SERPINB12: variants seen among roughly 807,000 people sequenced by gnomAD.
SERPINB12 encodes serpin B12.
Under a neutral mutation model 41.1 loss-of-function variants are expected in SERPINB12, and 57 were observed. That is an observed-to-expected ratio of 1.39 (90% CI 1.12 to 1.73). The LOEUF (loss-of-function observed/expected upper bound fraction) is 1.73. Ranked by LOEUF, SERPINB12 falls within the 40% of genes most tolerant of loss-of-function variation. SERPINB12 has a pLI of 0.00. For missense variants in SERPINB12, 536 were observed against 501.9 expected (o/e 1.07, Z -0.65); for synonymous variants, 180 against 181.3 (o/e 0.99, Z 0.06).
chr18:63,525,659 T>G, the SERPINB12 span, among the ~76,000 whole-genome samples: 1 of 152,168 alleles, frequency 6.6e-6, no homozygotes, highest in Non-Finnish European at 1.5e-5. Flanking sequence ...AAAAGTTTAT[T>G]TATAAATATT....
intron 4 of SERPINB12, 35 bp from the exon 5 acceptor site, chr18:63,561,050 T>C: frequency 7.3e-7 from 1 of 1,375,328 alleles, no homozygotes; most frequent in Non-Finnish European, 1.0e-6. Context: ...TGCCTGACTT[T>C]ATTGCATTAT....
intron 1 of SERPINB12, among the ~76,000 whole-genome samples, chr18:63,545,883 A>G (rs373490472): frequency 1.3e-5 from 2 of 152,216 alleles, no homozygotes; most frequent in South Asian, 4.1e-4. Context: ...GGAAGAATTT[A>G]GAAAAAAAAA....
chr18:63,548,732 A>G (rs1256641027), intron 1 of SERPINB12, among the ~76,000 whole-genome samples: 1 of 152,072 alleles, frequency 6.6e-6, no homozygotes, highest in Admixed American at 6.5e-5. Flanking sequence ...AATGTTAGCA[A>G]GTATCAATGC....
At chr18:63,551,356 G>A (rs911053646) in intron 1 of SERPINB12, among the ~76,000 whole-genome samples, 8 of 151,614 alleles carry the variant, frequency 5.3e-5, no homozygotes, top group African/African-American at 1.2e-4. Flanking sequence ...ATGGAATTTC[G>A]CTCCTGTTGC....
chr18:63,548,033 T>A (rs1568124940), intron 1 of SERPINB12, among the ~76,000 whole-genome samples: 1 of 152,106 alleles, frequency 6.6e-6, no homozygotes, highest in Admixed American at 6.5e-5. Context: ...AAGACAATTA[T>A]GATTTGGAAG....
At position 63,546,500 on chromosome 18, in the gene SERPINB12, A is replaced by G. The variant is rs944538634; in HGVS notation, c.-19+4008A>G. ...TGCAGGAAAGCAAAAACTTTGAAGTAGCTTAGAGCACATTTTGCAAATCCT... is the reference window on the plus strand; with the variant it reads ...TGCAGGAAAGCAAAAACTTTGAAGTGGCTTAGAGCACATTTTGCAAATCCT... On this transcript the variant is annotated intron_variant, in intron 1 of 7. Transcript: ENST00000382768. 3.9e-5 allele frequency among the ~76,000 whole-genome samples: 6 copies of G among 152,374 alleles called. 1 individual carries two copies. Among genetic ancestry groups the G allele is most frequent in the African/African-American group, 1.4e-4 (6 of 41,592 alleles).
rs1008618484 is a variant in SERPINB12, at chr18:63,558,459, A to T, written c.276A>T (p.Lys92Asn). The change falls in exon 3 of 8, where the codon AAA becomes AAT. Residue 92 changes from lysine (K) to asparagine (N), a missense_variant. Coordinates refer to ENST00000382768, the MANE Select transcript of SERPINB12 (RefSeq NM_001307928.2). ...VLADSSLEGQ[K>N]KTTEPLDQQA... ...CTGACAGCTCTCTGGAGGGGCAGAA[A>T]AAAACGACAGAGCCTCTGGATCAGC... 2 of 1,613,510 alleles carry T rather than the reference A, an allele frequency of 1.2e-6. No individual in the cohort carries two copies. The highest frequency in any genetic ancestry group is 1.7e-6 in the Non-Finnish European group (2 of 1,179,776).
the SERPINB12 span, among the ~76,000 whole-genome samples, chr18:63,530,702 T>C: frequency 6.6e-6 from 1 of 152,116 alleles, no homozygotes; most frequent in Non-Finnish European, 1.5e-5. Flanking sequence ...GATGGTGTAA[T>C]ACATGGTGCT....
At position 63,556,168 on chromosome 18, in the gene SERPINB12, T is replaced by G; in HGVS notation, c.9T>G (p.Ser3=). 6.2e-7 allele frequency: 1 copy of G among 1,613,890 alleles called. No homozygotes were observed. Among genetic ancestry groups the G allele is most frequent in the South Asian group, 1.1e-5 (1 of 91,034 alleles). Residue 3 remains serine (S), a synonymous_variant, in exon 2 of 8, where the codon TCT becomes TCG. Coordinates refer to ENST00000382768, the MANE Select transcript of SERPINB12 (RefSeq NM_001307928.2). The part of the protein sequence containing the change: MD[S]LVTANTKFCF... ...TCGTTATAAGTTTTACAATGGACTC[T>G]CTTGTTACAGCAAACACCAAATTTT...
At chr18:63,534,903 A>T in the SERPINB12 span, among the ~76,000 whole-genome samples, 1 of 152,330 alleles carries the variant, frequency 6.6e-6, no homozygotes, top group Non-Finnish European at 1.5e-5. Flanking sequence ...CCAACAAAAG[A>T]GTGCAGACCA....
chr18:63,526,421 C>T, the SERPINB12 span, among the ~76,000 whole-genome samples: 1 of 152,334 alleles, frequency 6.6e-6, no homozygotes, highest in African/African-American at 2.4e-5. Context: ...GATCCTCCCA[C>T]CTCAGCATCC....
the SERPINB12 span, among the ~76,000 whole-genome samples, chr18:63,530,563 G>T: frequency 1.3e-5 from 2 of 152,300 alleles, no homozygotes; most frequent in African/African-American, 2.4e-5. Context: ...CAAAACAATA[G>T]ATGAAAGTCA....
chr18:63,551,980 G>A (rs142535554), intron 1 of SERPINB12, among the ~76,000 whole-genome samples: 86 of 152,302 alleles, frequency 5.6e-4, no homozygotes, highest in Admixed American at 9.8e-4. Context: ...ATCAGATGAC[G>A]TCAGCCAAAG....
At chr18:63,563,692 C>G (rs1910990383) in intron 5 of SERPINB12, among the ~76,000 whole-genome samples, 1 of 152,010 alleles carries the variant, frequency 6.6e-6, no homozygotes. Flanking sequence ...AGGTCAGGAG[C>G]TCAAGACCAG....
At chr18:63,551,998 G>A (rs1910543590) in intron 1 of SERPINB12, among the ~76,000 whole-genome samples, 1 of 152,218 alleles carries the variant, frequency 6.6e-6, no homozygotes, top group Admixed American at 6.5e-5. Flanking sequence ...AAGGGATGGG[G>A]ATAAATCTCA....
intron 4 of SERPINB12, 127 bp from the exon 5 acceptor site, chr18:63,560,958 T>A (rs995987000): frequency 1.5e-6 from 1 of 684,062 alleles, no homozygotes; most frequent in Non-Finnish European, 2.6e-6. Flanking sequence ...CTGTCAGGCC[T>A]GTCCATGAAA....
intron 1 of SERPINB12, among the ~76,000 whole-genome samples, chr18:63,552,936 GC>G (rs1200992765): frequency 6.6e-6 from 1 of 152,088 alleles, no homozygotes; most frequent in East Asian, 1.9e-4. Context: ...TATTGTAAGG[GC>G]TTACATATAG....
chr18:63,555,929 G>A (rs1910657234), intron 1 of SERPINB12, among the ~76,000 whole-genome samples: 1 of 152,102 alleles, frequency 6.6e-6, no homozygotes, highest in African/African-American at 2.4e-5. Context: ...CCCAGGAAAC[G>A]AATTCACACT....
upstream of SERPINB12, among the ~76,000 whole-genome samples, chr18:63,537,736 G>A (rs916567612): frequency 6.6e-6 from 1 of 152,002 alleles, no homozygotes; most frequent in East Asian, 1.9e-4. Context: ...TCTTGTTCAT[G>A]GTTTGAAAAA....
Sources: allele counts gnomAD v4.1 joint callset (sites outside exome capture counted in the v4.1 genomes callset), GRCh38; gene constraint gnomAD v4.1.1; transcripts MANE v1.5; gene names NCBI Gene and HGNC (gene_info 2026-07-23, HGNC 2026-07-21).